SAMSN1: variants seen among roughly 807,000 people sequenced by gnomAD.
SAMSN1 encodes SAM domain-containing protein SAMSN-1.
Under a neutral mutation model 42.0 loss-of-function variants are expected in SAMSN1, and 31 were observed. The ratio of observed to expected loss-of-function variants is 0.74; its 90% CI spans 0.55 to 1.00. The LOEUF is 1.00. SAMSN1 is among the 50% of genes least tolerant of loss of function. The probability of loss-of-function intolerance (pLI) is 0.00; values close to 1 mark genes in which losing one functional copy is unlikely to be tolerated. For missense variants in SAMSN1, 464 were observed against 439.4 expected, an observed-to-expected ratio of 1.06 and a Z score of -0.50; for synonymous variants, 178 against 151.9, an observed-to-expected ratio of 1.17 and a Z score of -1.26.
At chr21:14,628,231 G>A (rs933745127) in intron 2 of SAMSN1, among the ~76,000 whole-genome samples, 1 of 152,030 alleles carries the variant, frequency 6.6e-6, no homozygotes, top group Non-Finnish European at 1.5e-5. Flanking sequence ...AGAACTATAG[G>A]ATGATTAACA....
intron 7 of SAMSN1, among the ~76,000 whole-genome samples, chr21:14,491,045 G>C (rs1327530115): frequency 6.6e-6 from 1 of 152,186 alleles, no homozygotes; most frequent in Non-Finnish European, 1.5e-5. Flanking sequence ...ATATTGTACT[G>C]ACTATTTTGG....
In SAMSN1 at chr21:14,613,153, A is replaced by G. The variant is rs141436221; in HGVS notation, c.198-240T>C. Among the ~76,000 whole-genome samples, 218 of 152,344 alleles carry G rather than the reference A, an allele frequency of 1.4e-3. 5 individuals carry two copies. The East Asian group carries it at 0.035, about 25-fold the overall frequency. Reference sequence around the variant, plus strand: ...GAAACTGATATTCATAAGACCTGAAAAAAATAGTAAGTCTTTTTACGTGAA... The same window carrying G: ...GAAACTGATATTCATAAGACCTGAAGAAAATAGTAAGTCTTTTTACGTGAA... On this transcript the variant is annotated intron_variant, in intron 3 of 15. Transcript: ENST00000647101.
At chr21:14,569,198 G>T (rs1345430292) in intron 2 of SAMSN1, among the ~76,000 whole-genome samples, 2 of 152,150 alleles carry the variant, frequency 1.3e-5, no homozygotes, top group African/African-American at 4.8e-5. Context: ...GGGAGGCTGA[G>T]GTGGGAGGAT....
intron 5 of SAMSN1, among the ~76,000 whole-genome samples, chr21:14,509,823 C>T (rs1394296792): frequency 6.6e-6 from 1 of 152,166 alleles, no homozygotes; most frequent in East Asian, 1.9e-4. Flanking sequence ...TACCCCGACT[C>T]CACCTCACAT....
intron 5 of SAMSN1, among the ~76,000 whole-genome samples, chr21:14,510,032 G>A (rs113455617): frequency 0.047 from 7,100 of 151,354 alleles, 532 homozygotes; most frequent in African/African-American, 0.16. Context: ...CCAGCTACTC[G>A]GGAGGCTGAG....
At chr21:14,576,640 C>T (rs527441235) in intron 2 of SAMSN1, among the ~76,000 whole-genome samples, 1 of 144,980 alleles carries the variant, frequency 6.9e-6, no homozygotes, top group Non-Finnish European at 1.5e-5. Context: ...GAAACAGTTG[C>T]GTAAAGAATT....
chr21:14,545,507 A>G (rs557541266), intron 1 of SAMSN1, among the ~76,000 whole-genome samples: 1 of 151,064 alleles, frequency 6.6e-6, no homozygotes, highest in African/African-American at 2.4e-5. Context: ...GAGTTCTACA[A>G]TAGAATTTGA....
intron 2 of SAMSN1, among the ~76,000 whole-genome samples, chr21:14,626,341 C>T (rs1983170203): frequency 6.6e-6 from 1 of 152,134 alleles, no homozygotes; most frequent in Admixed American, 6.5e-5. Flanking sequence ...AGTGAACAGG[C>T]AACCTATAGA....
intron 4 of SAMSN1, among the ~76,000 whole-genome samples, chr21:14,609,933 C>A (rs1472576817): frequency 1.3e-5 from 2 of 152,160 alleles, no homozygotes; most frequent in Admixed American, 1.3e-4. Flanking sequence ...CTATGCCTGT[C>A]TTTACTTTAA....
At chr21:14,560,158 T>G (rs1441256195) in intron 2 of SAMSN1, among the ~76,000 whole-genome samples, 2 of 152,296 alleles carry the variant, frequency 1.3e-5, no homozygotes, top group East Asian at 1.9e-4. Context: ...TTAATTTGCC[T>G]GGAGAAGTTA....
intron 2 of SAMSN1, among the ~76,000 whole-genome samples, chr21:14,563,956 A>G (rs1981026444): frequency 6.6e-6 from 1 of 152,168 alleles, no homozygotes; most frequent in African/African-American, 2.4e-5. Flanking sequence ...AATAGCTTGT[A>G]TCTGCATGGG....
intron 2 of SAMSN1, among the ~76,000 whole-genome samples, chr21:14,556,524 A>G (rs1169735525): frequency 6.6e-6 from 1 of 152,216 alleles, no homozygotes; most frequent in Non-Finnish European, 1.5e-5. Context: ...TACACATATT[A>G]GGCTGTTCCA....
At chr21:14,501,964 C>A (rs1987178671) in intron 5 of SAMSN1, among the ~76,000 whole-genome samples, 1 of 152,128 alleles carries the variant, frequency 6.6e-6, no homozygotes, top group Admixed American at 6.5e-5. Flanking sequence ...AAATTTATTT[C>A]TATGCAAATA....
intron 5 of SAMSN1, among the ~76,000 whole-genome samples, chr21:14,603,312 G>C (rs1255842879): frequency 1.3e-5 from 2 of 152,170 alleles, no homozygotes; most frequent in Non-Finnish European, 1.5e-5. Flanking sequence ...CTGTGTTCTA[G>C]AATCTGGAAT....
intron 1 of SAMSN1, among the ~76,000 whole-genome samples, chr21:14,536,317 G>A (rs1188100479): frequency 1.3e-5 from 2 of 152,172 alleles, no homozygotes; most frequent in Admixed American, 6.5e-5. Flanking sequence ...AGATAAGTGT[G>A]TGACTAAATT....
intron 5 of SAMSN1, among the ~76,000 whole-genome samples, chr21:14,504,952 C>T (rs2123703180): frequency 6.6e-6 from 1 of 152,322 alleles, no homozygotes; most frequent in South Asian, 2.1e-4. Context: ...CTTCAGCCTT[C>T]TCAAACAAGA....
Position 14,634,400 on chromosome 21 carries a change from T to C in SAMSN1, c.156+8602A>G, listed in dbSNP as rs28454941. Among the ~76,000 whole-genome samples the C allele has an allele frequency of 9.2e-3, 1,403 of 152,126 alleles. 28 individuals are homozygous for C. Among genetic ancestry groups the C allele is most frequent in the African/African-American group, 0.032 (1,329 of 41,490 alleles). The stretch of plus-strand genomic sequence containing the variant: ...GGCAATCTACAGAATGGGAGAAAAT[T>C]TTTGCAATCTACCATGTGACAAAGG... On this transcript the variant is annotated intron_variant, in intron 2 of 15. Coordinates refer to the SAMSN1 transcript ENST00000647101.
intron 2 of SAMSN1, among the ~76,000 whole-genome samples, chr21:14,641,050 G>GC (rs1374556177): frequency 1.3e-5 from 2 of 151,882 alleles, no homozygotes; most frequent in Non-Finnish European, 2.9e-5. Context: ...AGGCTCTTCA[G>GC]CCTATTCAAT....
intron 2 of SAMSN1, among the ~76,000 whole-genome samples, chr21:14,561,103 A>G (rs931644160): frequency 1.1e-4 from 16 of 152,142 alleles, no homozygotes; most frequent in African/African-American, 3.6e-4. Context: ...CCTGTAGATA[A>G]CATCACTATT....
Sources: gnomAD v4.1 joint callset for allele counts (sites outside exome capture counted in the v4.1 genomes callset) on GRCh38, gnomAD v4.1.1 for gene constraint, MANE v1.5 for transcripts, NCBI Gene and HGNC (gene_info 2026-07-23, HGNC 2026-07-21) for gene names.